ARHGAP26: variants seen among roughly 807,000 people sequenced by gnomAD.
The protein encoded by ARHGAP26 is rho GTPase-activating protein 26.
ARHGAP26 carries 38 observed loss-of-function variants against 104.8 expected under a neutral mutation model. That is an observed-to-expected ratio of 0.36 (90% CI 0.28 to 0.48). The LOEUF (loss-of-function observed/expected upper bound fraction) is 0.48, where lower values mean the gene tolerates loss of function less well. ARHGAP26 is among the 20% of genes least tolerant of loss of function. ARHGAP26 has a pLI of 0.99. For synonymous variants in ARHGAP26, 341 were observed against 340.0 expected, an observed-to-expected ratio of 1.00 and a Z score of -0.03; for missense variants, 704 against 947.9, an observed-to-expected ratio of 0.74 and a Z score of 3.38.
chr5:142,881,816 A>G (rs1462421370), intron 4 of ARHGAP26, among the ~76,000 whole-genome samples: 1 of 152,238 alleles, frequency 6.6e-6, no homozygotes, highest in Non-Finnish European at 1.5e-5. Flanking sequence ...GTATTGGCCA[A>G]GTGGAGGTTC....
chr5:143,216,881 C>A (rs757415616), intron 22 of ARHGAP26: 1 of 152,538 alleles, frequency 6.6e-6, no homozygotes, highest in Non-Finnish European at 1.5e-5. Flanking sequence ...GTTATTAGGT[C>A]TTTTTTCCAG....
chr5:143,088,574 A>C (rs1315560682), intron 17 of ARHGAP26, among the ~76,000 whole-genome samples: 1 of 152,226 alleles, frequency 6.6e-6, no homozygotes, highest in Non-Finnish European at 1.5e-5. Context: ...TCTGAGACTG[A>C]AAAAAACTCA....
chr5:142,827,850 C>T (rs1480050989), intron 1 of ARHGAP26, among the ~76,000 whole-genome samples: 2 of 152,206 alleles, frequency 1.3e-5, no homozygotes, highest in African/African-American at 4.8e-5. Flanking sequence ...TGTAAATGCT[C>T]AATAAACGTC....
intron 11 of ARHGAP26, among the ~76,000 whole-genome samples, chr5:143,011,706 T>C (rs1778782298): frequency 6.6e-6 from 1 of 152,180 alleles, no homozygotes; most frequent in Non-Finnish European, 1.5e-5. Context: ...TTGGAAACCA[T>C]GATCTAGCTC....
chr5:143,193,458 A>G (rs913413999), intron 20 of ARHGAP26, among the ~76,000 whole-genome samples: 1 of 152,040 alleles, frequency 6.6e-6, no homozygotes, highest in African/African-American at 2.4e-5. Context: ...CATGTTGGCC[A>G]GGCTGGTCTC....
chr5:143,180,829 C>G (rs749629822), intron 20 of ARHGAP26, among the ~76,000 whole-genome samples: 3 of 152,134 alleles, frequency 2.0e-5, no homozygotes, highest in Non-Finnish European at 4.4e-5. Flanking sequence ...ATATCAATGC[C>G]AAAAACCATA....
At chr5:142,912,032 G>T (rs1761899964) in intron 9 of ARHGAP26, among the ~76,000 whole-genome samples, 1 of 152,124 alleles carries the variant, frequency 6.6e-6, no homozygotes, top group Non-Finnish European at 1.5e-5. Flanking sequence ...CAACAAACTG[G>T]GCAAGCTTGC....
At position 143,057,744 on chromosome 5, in the gene ARHGAP26, CA is replaced by C; in HGVS notation, c.1538del (p.Asn513MetfsTer10). The stretch of plus-strand genomic sequence containing the variant: ...TTACAGCTGCTCATGAACCACTTGG[CA>C]AAGTAGGTTTAAGACCAATTACTAG... ...QMLQLLMNHL[A>X]NVANNHKQNL... On this transcript the variant is annotated frameshift_variant and splice_region_variant, in exon 17 of 23. Coordinates refer to ENST00000645722, the MANE Select transcript of ARHGAP26 (RefSeq NM_001135608.3). LOFTEE classifies it high-confidence loss of function. 3 of 1,613,476 alleles carry C rather than the reference CA, an allele frequency of 1.9e-6. No individual in the cohort carries two copies. The highest frequency in any genetic ancestry group is 2.5e-6 in the Non-Finnish European group (3 of 1,179,486).
chr5:143,039,896 G>A (rs116699251), intron 13 of ARHGAP26, among the ~76,000 whole-genome samples: 3,329 of 152,240 alleles, frequency 0.022, 62 homozygotes, highest in Non-Finnish European at 0.03. Context: ...TAACTTCTAC[G>A]AAAGTCTTCA....
chr5:143,216,497 C>A, intron 22 of ARHGAP26: 1 of 329,384 alleles, frequency 3.0e-6, no homozygotes, highest in Non-Finnish European at 6.1e-6. Context: ...TGTTCTCAAG[C>A]AAGGTCGGCA....
intron 20 of ARHGAP26, among the ~76,000 whole-genome samples, chr5:143,201,398 G>T (rs1807701502): frequency 6.6e-6 from 1 of 152,150 alleles, no homozygotes; most frequent in East Asian, 1.9e-4. Flanking sequence ...GTTATCCTTG[G>T]CTTCATTAGT....
chr5:143,213,477 C>T (rs1346957461), intron 21 of ARHGAP26, among the ~76,000 whole-genome samples: 1 of 152,196 alleles, frequency 6.6e-6, no homozygotes, highest in African/African-American at 2.4e-5. Flanking sequence ...AAGACCCAGT[C>T]TAGTAAGAAA....
At chr5:142,954,372 A>C (rs1768870155) in intron 11 of ARHGAP26, among the ~76,000 whole-genome samples, 1 of 152,202 alleles carries the variant, frequency 6.6e-6, no homozygotes, top group African/African-American at 2.4e-5. Context: ...CTTTATTCTT[A>C]TAATTGAAAA....
At chr5:142,825,130 G>A (rs1159832323) in intron 1 of ARHGAP26, among the ~76,000 whole-genome samples, 1 of 152,200 alleles carries the variant, frequency 6.6e-6, no homozygotes, top group African/African-American at 2.4e-5. Context: ...CTTGCTGTGC[G>A]ATCTTGGGCA....
rs10610584 is a variant in ARHGAP26, at chr5:143,168,445, C to CTTTTTTTTTTTTTTTTTTTTTTT, written c.1988+21073_1988+21095dup. 1.9e-4 allele frequency: 5 copies of CTTTTTTTTTTTTTTTTTTTTTTT among 25,708 alleles called. 2 individuals are homozygous for CTTTTTTTTTTTTTTTTTTTTTTT. Among genetic ancestry groups the CTTTTTTTTTTTTTTTTTTTTTTT allele is most frequent in the Non-Finnish European group, 3.4e-4 (5 of 14,546 alleles). The allele number at this position is 25,708 out of a possible 1,614,324, so 1.6% of individuals were successfully genotyped here. Reference sequence around the variant, plus strand: ...CAAATAGACCTCACCATCTGGAACTCTTTTTTTTTTTTTTTTTTTTTTTTT... The same window carrying CTTTTTTTTTTTTTTTTTTTTTTT: ...CAAATAGACCTCACCATCTGGAACTCTTTTTTTTTTTTTTTTTTTTTTTTTTTTTTTTTTTTTTTTTTTTTTTT... On this transcript the variant is annotated intron_variant, in intron 20 of 22. Transcript: ENST00000645722.
In ARHGAP26 at chr5:143,105,031, TC is replaced by T. The variant is rs1793790174; in HGVS notation, c.1539-15952del. On this transcript the variant is annotated intron_variant, in intron 17 of 22. Transcript: ENST00000645722. ...AAAAGAGAAAACATGTATCTTTTTT[TC>T]CCCCTAACGATAGCACTGAAAGAAA... is the stretch of plus-strand genomic sequence containing the variant. Among the ~76,000 whole-genome samples, 2 of 152,172 alleles carry T rather than the reference TC, an allele frequency of 1.3e-5. 1 individual carries two copies. Among genetic ancestry groups the T allele is most frequent in the South Asian group, 4.1e-4 (2 of 4,830 alleles).
chr5:142,883,759 C>T (rs1259087481), intron 4 of ARHGAP26, among the ~76,000 whole-genome samples: 1 of 152,204 alleles, frequency 6.6e-6, no homozygotes, highest in East Asian at 1.9e-4. Context: ...CCTGGGTGCC[C>T]TATCTACAGA....
At chr5:142,971,894 G>C (rs1021164520) in intron 11 of ARHGAP26, among the ~76,000 whole-genome samples, 5 of 152,162 alleles carry the variant, frequency 3.3e-5, no homozygotes, top group Non-Finnish European at 7.4e-5. Flanking sequence ...TTAAGATACA[G>C]TTGTGGGCCA....
At chr5:142,928,568 G>T (rs905376187) in intron 10 of ARHGAP26, among the ~76,000 whole-genome samples, 2 of 152,156 alleles carry the variant, frequency 1.3e-5, no homozygotes, top group Non-Finnish European at 2.9e-5. Flanking sequence ...CATCACATTT[G>T]CCATGGCATT....
Sources: gnomAD v4.1 joint callset for allele counts (sites outside exome capture counted in the v4.1 genomes callset) on GRCh38, gnomAD v4.1.1 for gene constraint, MANE v1.5 for transcripts, NCBI Gene and HGNC (gene_info 2026-07-23, HGNC 2026-07-21) for gene names.